The following CDC25C variants were observed in gnomAD, a reference collection of about 807,000 sequenced individuals.
CDC25C encodes the protein M-phase inducer phosphatase 3.
A neutral mutation model predicts 52.5 loss-of-function variants in CDC25C; 48 were observed. That is an observed-to-expected ratio of 0.91 (90% CI 0.72 to 1.16). The LOEUF (loss-of-function observed/expected upper bound fraction) is 1.16. Ranked by LOEUF, CDC25C falls within the 50% of genes most tolerant of loss-of-function variation. The pLI is 0.00. For missense variants in CDC25C, 510 were observed against 566.1 expected (o/e 0.90, Z 1.01); for synonymous variants, 187 against 206.5 (o/e 0.91, Z 0.81).
At position 138,310,551 on chromosome 5, in the gene CDC25C, G is replaced by A. The variant is rs1186237496; in HGVS notation, c.615+8668C>T. On this transcript the variant is annotated intron_variant, in intron 7 of 13. Transcript: ENST00000323760. Reference sequence around the variant, plus strand: ...TTTAGTCGTATACTACAATAATTAAGCACTTACACTACACAATAATAGTTA... The same window carrying A: ...TTTAGTCGTATACTACAATAATTAAACACTTACACTACACAATAATAGTTA... 2.0e-5 allele frequency among the ~76,000 whole-genome samples: 3 copies of A among 152,084 alleles called. 1 individual carries two copies. Among genetic ancestry groups the A allele is most frequent in the Admixed American group, 6.6e-5 (1 of 15,260 alleles).
chr5:138,285,983 G>T, intron 13 of CDC25C, 39 bp downstream of exon 13: 1 of 1,557,132 alleles, frequency 6.4e-7, no homozygotes, highest in Non-Finnish European at 8.8e-7. Flanking sequence ...TGGGAGTTGA[G>T]TTGTTAAAGT....
chr5:138,338,102 G>T (rs772612748), exon 1 of CDC25C: 30 of 1,289,728 alleles, frequency 2.3e-5, no homozygotes, highest in African/African-American at 3.0e-5. Context: ...GTTCCCAACA[G>T]CGCTGTCCGA....
At chr5:138,313,995 C>CTTTTT (rs766176155) in intron 7 of CDC25C, among the ~76,000 whole-genome samples, 1 of 112,676 alleles carries the variant, frequency 8.9e-6, no homozygotes, top group African/African-American at 3.3e-5. Context: ...TTCTTTCTTT[C>CTTTTT]TTTTTTTTTT....
At chr5:138,333,829 C>T (rs1397698982), upstream of CDC25C, 2 of 152,162 alleles carry the variant, frequency 1.3e-5, no homozygotes, top group Admixed American at 6.5e-5. Flanking sequence ...AAAATCTGAG[C>T]ACTCTGACAA....
intron 11 of CDC25C, 86 bp downstream of exon 11, chr5:138,287,083 G>T: frequency 1.1e-6 from 1 of 882,246 alleles, no homozygotes; most frequent in Non-Finnish European, 1.8e-6. Flanking sequence ...TGACTCTAGA[G>T]TTCATAGACC....
chr5:138,320,114 G>A (rs918075455), intron 6 of CDC25C, among the ~76,000 whole-genome samples: 1 of 152,158 alleles, frequency 6.6e-6, no homozygotes, highest in Non-Finnish European at 1.5e-5. Context: ...AGAGCAGCCT[G>A]GCCAACATGT....
exon 1 of CDC25C, chr5:138,338,121 T>G: frequency 7.8e-7 from 1 of 1,289,660 alleles, no homozygotes. Context: ...GAGAGACACT[T>G]TGAGAGAGAC....
intron 7 of CDC25C, among the ~76,000 whole-genome samples, chr5:138,306,055 T>C (rs1347414430): frequency 6.6e-6 from 1 of 152,222 alleles, no homozygotes; most frequent in African/African-American, 2.4e-5. Flanking sequence ...ATTGAGTGTC[T>C]AGCCAGCAAG....
At chr5:138,337,240 A>T (rs772541926) in intron 1 of CDC25C, 2 of 152,364 alleles carry the variant, frequency 1.3e-5, no homozygotes, top group Non-Finnish European at 2.9e-5. Context: ...AGAAACCATC[A>T]ACCCAACCTC....
intron 7 of CDC25C, among the ~76,000 whole-genome samples, chr5:138,312,316 G>A (rs1208834621): frequency 6.6e-6 from 1 of 152,146 alleles, no homozygotes; most frequent in Non-Finnish European, 1.5e-5. Flanking sequence ...GCTGCAGTGA[G>A]CCATGATCAC....
rs374330012 is a variant in CDC25C at position 138,286,491 on chromosome 5, A to G, written c.1160+6T>C. ...ATCACCCGCCAGACCCCATTTAGAC[A>G]CTCACATTCGGGGGCCCCTCTCTGA... On this transcript the variant is annotated splice_donor_region_variant and intron_variant, in intron 12 of 13. Coordinates refer to ENST00000323760, the MANE Select transcript of CDC25C (RefSeq NM_001790.5). The G allele has an allele frequency of 1.4e-5, 23 of 1,608,552 alleles. No individual in the cohort carries two copies. The highest frequency in any genetic ancestry group is 2.0e-5 in the Non-Finnish European group (23 of 1,177,096).
intron 7 of CDC25C, among the ~76,000 whole-genome samples, chr5:138,302,899 G>A (rs146065359): frequency 0.012 from 1,851 of 148,786 alleles, 16 homozygotes; most frequent in Non-Finnish European, 0.017. Flanking sequence ...CATCTCTATA[G>A]GGGAAAAAAA....
intron 7 of CDC25C, among the ~76,000 whole-genome samples, chr5:138,313,744 C>A (rs973451904): frequency 6.6e-6 from 1 of 151,996 alleles, no homozygotes; most frequent in Non-Finnish European, 1.5e-5. Context: ...ATACAGCTGC[C>A]CCAGAAATGT....
intron 7 of CDC25C, among the ~76,000 whole-genome samples, chr5:138,298,029 C>T (rs1309916189): frequency 6.6e-6 from 1 of 151,138 alleles, no homozygotes; most frequent in East Asian, 1.9e-4. Flanking sequence ...GACAGGGTCT[C>T]ACTCTCTCAT....
In CDC25C at chr5:138,331,061, G is replaced by A. The variant is rs771815038; in HGVS notation, c.120C>T (p.Thr40=). 1 of 1,614,062 alleles carries A rather than the reference G, an allele frequency of 6.2e-7. No homozygotes were observed. The highest frequency in any genetic ancestry group is 1.3e-5 in the African/African-American group (1 of 75,030). ...GAGTTCTAGGGACATCTGGACAGAC[G>A]GTAAAGGAAGTGTCTCTCTCCAGGA... The part of the protein sequence containing the change: ...NLLLERDTSF[T]VCPDVPRTPV... Residue 40 remains threonine, a synonymous_variant, in exon 2 of 14, where the codon ACC becomes ACT. Transcript: ENST00000323760.
upstream of CDC25C, among the ~76,000 whole-genome samples, chr5:138,334,538 G>T (rs908118688): frequency 1.3e-5 from 2 of 151,662 alleles, no homozygotes; most frequent in Non-Finnish European, 2.9e-5. Flanking sequence ...TTTTAGTTGA[G>T]ACAGGGTTTC....
intron 7 of CDC25C, among the ~76,000 whole-genome samples, chr5:138,304,136 T>C (rs1355317360): frequency 6.6e-6 from 1 of 152,146 alleles, no homozygotes; most frequent in Non-Finnish European, 1.5e-5. Flanking sequence ...CTGTTGATTC[T>C]CTATCCAAAA....
chr5:138,296,684 C>A (rs888407579), intron 7 of CDC25C, among the ~76,000 whole-genome samples: 3 of 151,192 alleles, frequency 2.0e-5, no homozygotes, highest in Admixed American at 6.6e-5. Context: ...CGGCTCCCTG[C>A]AAGCTCCGCC....
At chr5:138,335,812 GTTTC>G, upstream of CDC25C, among the ~76,000 whole-genome samples, 1 of 150,686 alleles carries the variant, frequency 6.6e-6, no homozygotes, top group Non-Finnish European at 1.5e-5. Flanking sequence ...TTGGGTCTCA[GTTTC>G]TTTCAATGTT....
Sources: allele counts gnomAD v4.1 joint callset (sites outside exome capture counted in the v4.1 genomes callset), GRCh38; gene constraint gnomAD v4.1.1; transcripts MANE v1.5; gene names NCBI Gene and HGNC (gene_info 2026-07-23, HGNC 2026-07-21).